DOK6: variants seen among roughly 807,000 people sequenced by gnomAD.
DOK6 encodes the protein docking protein 6.
A neutral mutation model predicts 44.0 loss-of-function variants in DOK6; 22 were observed. The ratio of observed to expected loss-of-function variants is 0.50; its 90% CI spans 0.36 to 0.71. DOK6 has a LOEUF of 0.71. DOK6 is among the 30% of genes least tolerant of loss of function. The pLI is 0.00. For synonymous variants in DOK6, 166 were observed against 145.5 expected, an observed-to-expected ratio of 1.14 and a Z score of -1.01; for missense variants, 340 against 416.4, an observed-to-expected ratio of 0.82 and a Z score of 1.60.
chr18:69,473,668 C>T lies in DOK6; in HGVS notation c.66+72358C>T, dbSNP rs539165116. ...TCCCATGTCCTTGCTAGGTCATATGCAGGGATTTTTGAATCCCTTCAGTGT... is the reference window on the plus strand; with the variant it reads ...TCCCATGTCCTTGCTAGGTCATATGTAGGGATTTTTGAATCCCTTCAGTGT... On this transcript the variant is annotated intron_variant, in intron 1 of 7. Coordinates refer to ENST00000382713, the MANE Select transcript of DOK6 (RefSeq NM_152721.6). 3.9e-5 allele frequency among the ~76,000 whole-genome samples: 6 copies of T among 152,308 alleles called. No homozygotes were observed. The South Asian group carries it at 6.2e-4, about 16-fold the overall frequency.
intron 3 of DOK6, chr18:69,661,914 C>G (rs1234695722): frequency 6.6e-6 from 1 of 152,172 alleles, no homozygotes; most frequent in African/African-American, 2.4e-5. Context: ...GGTGTGTCCA[C>G]TCTGAAAAGC....
At chr18:69,436,457 G>C (rs1978983404) in intron 1 of DOK6, among the ~76,000 whole-genome samples, 1 of 152,078 alleles carries the variant, frequency 6.6e-6, no homozygotes, top group African/African-American at 2.4e-5. Context: ...ATGGTTTCCA[G>C]CTTCATCCAT....
intron 1 of DOK6, among the ~76,000 whole-genome samples, chr18:69,559,436 CAATT>C (rs766151739): frequency 8.3e-4 from 126 of 152,204 alleles, no homozygotes; most frequent in Non-Finnish European, 1.0e-3. Context: ...TTTTACTCCT[CAATT>C]AAGACTCCAA....
chr18:69,594,589 CA>C (rs10629064), intron 2 of DOK6, among the ~76,000 whole-genome samples: 51,975 of 129,074 alleles, frequency 0.4, 11,080 homozygotes, highest in Non-Finnish European at 0.53. Context: ...AGCAAACAGG[CA>C]AAAAAAAAAA....
At chr18:69,637,946 G>A (rs1203101051) in intron 3 of DOK6, among the ~76,000 whole-genome samples, 2 of 151,276 alleles carry the variant, frequency 1.3e-5, no homozygotes, top group South Asian at 2.1e-4. Flanking sequence ...TATTATGCCC[G>A]TCCTCAACTA....
chr18:69,508,441 G>C (rs1405895615), intron 1 of DOK6, among the ~76,000 whole-genome samples: 1 of 152,124 alleles, frequency 6.6e-6, no homozygotes, highest in Non-Finnish European at 1.5e-5. Flanking sequence ...ATCATTCCTT[G>C]CAACTTAGTG....
intron 1 of DOK6, among the ~76,000 whole-genome samples, chr18:69,543,647 A>G (rs1022956922): frequency 1.3e-5 from 2 of 151,404 alleles, no homozygotes; most frequent in African/African-American, 4.8e-5. Flanking sequence ...TGTAATTCTA[A>G]ATCCAAGCCC....
Position 69,751,109 on chromosome 18 carries a change from G to A in DOK6, c.739-6647G>A, listed in dbSNP as rs79810515. Among the ~76,000 whole-genome samples the A allele has an allele frequency of 5.2e-3, 792 of 152,202 alleles. 5 individuals are homozygous for A. Among genetic ancestry groups the A allele is most frequent in the African/African-American group, 0.017 (702 of 41,522 alleles). Reference sequence around the variant, plus strand: ...GTGGCTACAAAGGCTAGGGGCTCGGGGGCAACAGGGAGATGACGGTCAAAG... The same window carrying A: ...GTGGCTACAAAGGCTAGGGGCTCGGAGGCAACAGGGAGATGACGGTCAAAG... On this transcript the variant is annotated intron_variant, in intron 6 of 7. Coordinates refer to ENST00000382713, the MANE Select transcript of DOK6 (RefSeq NM_152721.6).
At chr18:69,510,616 A>G (rs1347113046) in intron 1 of DOK6, among the ~76,000 whole-genome samples, 1 of 152,196 alleles carries the variant, frequency 6.6e-6, no homozygotes, top group African/African-American at 2.4e-5. Context: ...AAAATGGTCT[A>G]TATATCTGTA....
At chr18:69,698,213 G>T (rs1441631330) in intron 4 of DOK6, among the ~76,000 whole-genome samples, 191 bp from the exon 5 acceptor site, 1 of 152,178 alleles carries the variant, frequency 6.6e-6, no homozygotes, top group Non-Finnish European at 1.5e-5. Context: ...TAATGATTCA[G>T]AACACTTTAA....
At chr18:69,651,716 T>C (rs1985232849) in intron 3 of DOK6, among the ~76,000 whole-genome samples, 1 of 151,954 alleles carries the variant, frequency 6.6e-6, no homozygotes, top group Non-Finnish European at 1.5e-5. Context: ...TTCAAACTCC[T>C]GACCTCAAGT....
At chr18:69,785,560 T>C (rs2145093210) in intron 7 of DOK6, among the ~76,000 whole-genome samples, 1 of 152,272 alleles carries the variant, frequency 6.6e-6, no homozygotes, top group African/African-American at 2.4e-5. Context: ...TTCCCCTAAA[T>C]TGTACCAGTT....
intron 7 of DOK6, among the ~76,000 whole-genome samples, chr18:69,818,344 A>C (rs995984700): frequency 1.3e-5 from 2 of 152,186 alleles, no homozygotes; most frequent in Non-Finnish European, 2.9e-5. Context: ...CCTGTGCACC[A>C]GGCATGGTTC....
At chr18:69,695,762 T>G (rs1211341842) in intron 4 of DOK6, among the ~76,000 whole-genome samples, 1 of 152,332 alleles carries the variant, frequency 6.6e-6, no homozygotes, top group East Asian at 1.9e-4. Context: ...TAGGAGAGAA[T>G]AGATTTTGAA....
intron 3 of DOK6, among the ~76,000 whole-genome samples, chr18:69,634,444 G>A (rs1037681381): frequency 6.6e-6 from 1 of 152,130 alleles, no homozygotes; most frequent in African/African-American, 2.4e-5. Context: ...TTTTAGTCCC[G>A]GTAATTTCAC....
At chr18:69,401,356 C>A in intron 1 of DOK6, 46 bp downstream of exon 1, 2 of 1,435,052 alleles carry the variant, frequency 1.4e-6, no homozygotes, top group Admixed American at 2.4e-5. Context: ...CTCGTTCGGC[C>A]CGGCTGGCTG....
At chr18:69,807,319 A>G (rs1462108135) in intron 7 of DOK6, among the ~76,000 whole-genome samples, 3 of 151,966 alleles carry the variant, frequency 2.0e-5, no homozygotes, top group Non-Finnish European at 4.4e-5. Flanking sequence ...TAAGAAATCA[A>G]AGTATGTCAC....
At chr18:69,536,476 G>A (rs1982125639) in intron 1 of DOK6, among the ~76,000 whole-genome samples, 1 of 152,036 alleles carries the variant, frequency 6.6e-6, no homozygotes. Flanking sequence ...TTATCTTTAT[G>A]AAATTAATTC....
At chr18:69,413,861 T>C (rs1978316922) in intron 1 of DOK6, among the ~76,000 whole-genome samples, 2 of 151,822 alleles carry the variant, frequency 1.3e-5, no homozygotes, top group African/African-American at 2.4e-5. Context: ...GACAAAAAAC[T>C]AGTATAAGAC....
Sources: gnomAD v4.1 joint callset for allele counts (sites outside exome capture counted in the v4.1 genomes callset) on GRCh38, gnomAD v4.1.1 for gene constraint, MANE v1.5 for transcripts, NCBI Gene and HGNC (gene_info 2026-07-23, HGNC 2026-07-21) for gene names.